PCDH7: variants seen among roughly 807,000 people sequenced by gnomAD.
PCDH7 encodes the protein protocadherin-7.
A neutral mutation model predicts 58.9 loss-of-function variants in PCDH7; 17 were observed. That is an observed-to-expected ratio of 0.29 (90% confidence interval 0.20 to 0.43). PCDH7 has a LOEUF of 0.43. PCDH7 is among the 20% of genes least tolerant of loss of function. The pLI is 1.00. For synonymous variants in PCDH7, 664 were observed against 616.4 expected (o/e 1.08, Z -1.14); for missense variants, 1,274 against 1,441.0 (o/e 0.88, Z 1.88).
At chr4:31,056,782 G>T (rs115101232) in intron 3 of PCDH7, among the ~76,000 whole-genome samples, 18,353 of 152,176 alleles carry the variant, frequency 0.12, 1,343 homozygotes, top group East Asian at 0.26. Flanking sequence ...ATTTCACCAT[G>T]TTGGCCAGGC....
At chr4:31,105,956 G>A (rs1474852177) in intron 3 of PCDH7, among the ~76,000 whole-genome samples, 1 of 151,338 alleles carries the variant, frequency 6.6e-6, no homozygotes, top group Non-Finnish European at 1.5e-5. Context: ...GCAGTGAGCC[G>A]TAATCGCGCC....
intron 1 of PCDH7, among the ~76,000 whole-genome samples, chr4:30,772,636 C>T (rs992648010): frequency 3.3e-5 from 5 of 152,176 alleles, no homozygotes; most frequent in Admixed American, 6.5e-5. Flanking sequence ...AGGAATATGC[C>T]TTCTGAAGGA....
intron 3 of PCDH7, among the ~76,000 whole-genome samples, chr4:30,987,362 T>A (rs913946934): frequency 3.9e-5 from 6 of 152,178 alleles, no homozygotes; most frequent in African/African-American, 1.4e-4. Context: ...GTCTTTTTTG[T>A]AAGGACACCC....
chr4:30,823,508 T>C (rs1259823822), intron 1 of PCDH7, among the ~76,000 whole-genome samples: 1 of 152,148 alleles, frequency 6.6e-6, no homozygotes, highest in Non-Finnish European at 1.5e-5. Context: ...TAGTCCATTA[T>C]GCCACCTCCT....
intron 1 of PCDH7, among the ~76,000 whole-genome samples, chr4:30,825,465 C>A (rs1169993999): frequency 1.3e-5 from 2 of 152,132 alleles, no homozygotes; most frequent in Non-Finnish European, 2.9e-5. Flanking sequence ...ATCAATGCCA[C>A]ATTAAAATTT....
chr4:30,781,486 C>A (rs1402764927), intron 1 of PCDH7, among the ~76,000 whole-genome samples: 1 of 151,260 alleles, frequency 6.6e-6, no homozygotes, highest in Non-Finnish European at 1.5e-5. Flanking sequence ...ACTCTGAAGT[C>A]AGGGCCAAGT....
At chr4:30,920,461 A>G (rs764841630) in intron 2 of PCDH7, 92 bp downstream of exon 2, 1 of 715,500 alleles carries the variant, frequency 1.4e-6, no homozygotes, top group East Asian at 6.6e-5. Flanking sequence ...AAAATAAAAT[A>G]GCTGACATTA....
chr4:31,119,183 T>C (rs6856098), intron 3 of PCDH7, among the ~76,000 whole-genome samples: 45,023 of 152,096 alleles, frequency 0.3, 7,304 homozygotes, highest in African/African-American at 0.41. Flanking sequence ...TTCTCTGTTA[T>C]GTTTCATGCC....
chr4:30,814,843 AT>A (rs576331361), intron 1 of PCDH7, among the ~76,000 whole-genome samples: 5 of 152,078 alleles, frequency 3.3e-5, no homozygotes, highest in East Asian at 1.9e-4. Flanking sequence ...AATTAGAGTC[AT>A]TTTTTCCCCA....
chr4:31,088,882 A>T (rs1712844247), intron 3 of PCDH7, among the ~76,000 whole-genome samples: 1 of 152,054 alleles, frequency 6.6e-6, no homozygotes, highest in Admixed American at 6.6e-5. Flanking sequence ...AATGTTTTCA[A>T]TAATAATGTT....
chr4:30,900,890 A>T (rs1335811725), intron 1 of PCDH7, among the ~76,000 whole-genome samples: 1 of 152,180 alleles, frequency 6.6e-6, no homozygotes, highest in Non-Finnish European at 1.5e-5. Context: ...CACCAGTCTT[A>T]CAAGACTAAT....
At chr4:30,817,953 A>G (rs892462235) in intron 1 of PCDH7, among the ~76,000 whole-genome samples, 1 of 152,104 alleles carries the variant, frequency 6.6e-6, no homozygotes, top group African/African-American at 2.4e-5. Context: ...TCAAGGTCCT[A>G]CAGGACCTGG....
chr4:30,825,298 A>G lies in PCDH7; in HGVS notation c.71-94855A>G, dbSNP rs375357366. On this transcript the variant is annotated intron_variant, in intron 1 of 3. Coordinates refer to the PCDH7 transcript ENST00000509759. Reference sequence around the variant, plus strand: ...AATCTGTGATATGAACCATAAGATTATCAATATTATGTTTTGGTGTAATGT... The same window carrying G: ...AATCTGTGATATGAACCATAAGATTGTCAATATTATGTTTTGGTGTAATGT... Among the ~76,000 whole-genome samples, 522 of 152,282 alleles carry G rather than the reference A, an allele frequency of 3.4e-3. 1 individual carries two copies. The highest frequency in any genetic ancestry group is 0.012 in the African/African-American group (500 of 41,570).
At chr4:31,092,089 A>G (rs1227378690) in intron 3 of PCDH7, among the ~76,000 whole-genome samples, 1 of 151,950 alleles carries the variant, frequency 6.6e-6, no homozygotes, top group Non-Finnish European at 1.5e-5. Flanking sequence ...CTGTTTGAAG[A>G]AGTGCCTGGT....
chr4:30,924,517 C>T (rs1743594316), intron 2 of PCDH7, among the ~76,000 whole-genome samples: 1 of 152,120 alleles, frequency 6.6e-6, no homozygotes, highest in Non-Finnish European at 1.5e-5. Context: ...TCTGAACCCA[C>T]ACAGCAAGTG....
intron 1 of PCDH7, among the ~76,000 whole-genome samples, chr4:30,905,668 G>C (rs774419437): frequency 1.3e-5 from 2 of 152,064 alleles, no homozygotes; most frequent in African/African-American, 4.8e-5. Context: ...AGTATTTTTC[G>C]CATTAGTTGC....
intron 3 of PCDH7, among the ~76,000 whole-genome samples, chr4:31,141,729 A>G (rs1270035480): frequency 6.6e-6 from 1 of 152,078 alleles, no homozygotes; most frequent in African/African-American, 2.4e-5. Flanking sequence ...ACTTACCCGT[A>G]TTCACCCAGT....
intron 1 of PCDH7, among the ~76,000 whole-genome samples, chr4:30,903,140 T>A (rs1052410401): frequency 1.3e-5 from 2 of 152,164 alleles, no homozygotes; most frequent in Admixed American, 6.5e-5. Flanking sequence ...TCCTAAAGAA[T>A]CATGAAAATA....
intron 2 of PCDH7, among the ~76,000 whole-genome samples, chr4:30,924,833 G>A (rs1247048853): frequency 6.6e-6 from 1 of 151,142 alleles, no homozygotes; most frequent in African/African-American, 2.4e-5. Flanking sequence ...AAAAAGGTAG[G>A]AAATAATATA....
Sources: gnomAD v4.1 joint callset for allele counts (sites outside exome capture counted in the v4.1 genomes callset) on GRCh38, gnomAD v4.1.1 for gene constraint, MANE v1.5 for transcripts, NCBI Gene and HGNC (gene_info 2026-07-23, HGNC 2026-07-21) for gene names.